XRCC4: variants seen among roughly 807,000 people sequenced by gnomAD.
XRCC4 encodes the protein DNA repair protein XRCC4.
Under a neutral mutation model 39.1 loss-of-function variants are expected in XRCC4, and 28 were observed. The ratio of observed to expected loss-of-function variants is 0.72; its 90% CI spans 0.53 to 0.98. The LOEUF (loss-of-function observed/expected upper bound fraction) is 0.98, where lower values mean the gene tolerates loss of function less well. Among genes scored for constraint, XRCC4 ranks in the 50% least tolerant of loss-of-function variants. The probability of loss-of-function intolerance (pLI) is 0.00; values close to 1 mark genes in which losing one functional copy is unlikely to be tolerated. For synonymous variants in XRCC4, 123 were observed against 126.4 expected (o/e 0.97, Z 0.18); for missense variants, 350 against 376.4 (o/e 0.93, Z 0.58).
chr5:83,111,078 G>T lies in XRCC4; in HGVS notation c.190G>T (p.Gly64Trp). The T allele has an allele frequency of 6.2e-7, 1 of 1,611,738 alleles. No individual in the cohort carries two copies. Among genetic ancestry groups the T allele is most frequent in the Middle Eastern group, 1.7e-4 (1 of 6,056 alleles). ...AGCTGATGACATGGCAATGGAAAAA[G>T]GGAAATATGTTGGTGAACTGAGAAA... ...QEADDMAMEK[G>W]KYVGELRKAL... The change falls in exon 3 of 8, where the codon GGG (glycine) becomes TGG (tryptophan). Residue 64 changes from glycine (G) to tryptophan (W), a missense_variant. Gly to Trp is a radical substitution (Grantham distance 184). Transcript: ENST00000396027.
chr5:83,085,572 T>G (rs1745144703), intron 1 of XRCC4, among the ~76,000 whole-genome samples: 1 of 152,214 alleles, frequency 6.6e-6, no homozygotes, highest in South Asian at 2.1e-4. Context: ...GTATCATTGC[T>G]ATTTATAAAT....
rs1424145936 is a variant in XRCC4, at chr5:83,183,113, A to C, written c.316-12657A>C. ...TCTGGTATCTAGCACTGTTATAAAA[A>C]TCCAGCACCATTCTAATTCATCATC... On this transcript the variant is annotated intron_variant, in intron 3 of 7. Coordinates refer to ENST00000396027, the MANE Select transcript of XRCC4 (RefSeq NM_003401.5). Among the ~76,000 whole-genome samples, 3 of 152,144 alleles carry C rather than the reference A, an allele frequency of 2.0e-5. No individual in the cohort carries two copies. The East Asian group carries it at 5.8e-4, about 29-fold the overall frequency.
chr5:83,368,058 C>T, the XRCC4 span, among the ~76,000 whole-genome samples: 20 of 147,616 alleles, frequency 1.4e-4, no homozygotes, highest in African/African-American at 5.1e-4. Context: ...TCAATGATCT[C>T]TACACTGAAC....
intron 7 of XRCC4, among the ~76,000 whole-genome samples, chr5:83,301,891 G>A (rs1180600801): frequency 6.6e-6 from 1 of 152,084 alleles, no homozygotes; most frequent in Non-Finnish European, 1.5e-5. Flanking sequence ...TTGTAGATAC[G>A]TGGTGTTATG....
chr5:83,248,807 A>T (rs1205802309), intron 6 of XRCC4, among the ~76,000 whole-genome samples: 1 of 152,234 alleles, frequency 6.6e-6, no homozygotes, highest in Non-Finnish European at 1.5e-5. Flanking sequence ...ACCAAAGGAT[A>T]TACAAATTAG....
At chr5:83,131,257 G>T (rs1191398923) in intron 3 of XRCC4, among the ~76,000 whole-genome samples, 2 of 152,164 alleles carry the variant, frequency 1.3e-5, no homozygotes, top group Non-Finnish European at 2.9e-5. Context: ...AGGTTGTTCA[G>T]TTTCCATGTA....
chr5:83,227,777 G>A (rs1290899684), intron 6 of XRCC4, among the ~76,000 whole-genome samples: 1 of 151,774 alleles, frequency 6.6e-6, no homozygotes. Flanking sequence ...TTCTACTCAG[G>A]CTTTTTCTCT....
chr5:83,357,090 C>T (rs759843785), downstream of XRCC4, among the ~76,000 whole-genome samples: 67 of 152,262 alleles, frequency 4.4e-4, no homozygotes, highest in Non-Finnish European at 9.0e-4. Flanking sequence ...AAGTTTGATT[C>T]AACAAATGTT....
chr5:83,224,194 G>A (rs951825262), intron 6 of XRCC4, among the ~76,000 whole-genome samples: 1 of 151,522 alleles, frequency 6.6e-6, no homozygotes, highest in Middle Eastern at 3.2e-3. Flanking sequence ...TTTTTTTTGT[G>A]GATAATTCGT....
At chr5:83,189,241 A>G (rs1255181854) in intron 3 of XRCC4, among the ~76,000 whole-genome samples, 1 of 152,122 alleles carries the variant, frequency 6.6e-6, no homozygotes, top group Non-Finnish European at 1.5e-5. Context: ...TGTAAAGCCA[A>G]CTTCTGAGAT....
chr5:83,273,896 A>G (rs544508361), intron 7 of XRCC4, among the ~76,000 whole-genome samples: 4 of 150,852 alleles, frequency 2.7e-5, no homozygotes, highest in Non-Finnish European at 5.9e-5. Context: ...TCTTGGCTAT[A>G]TGGGCTCTTT....
At chr5:83,258,738 T>C (rs1274287909) in intron 7 of XRCC4, 61 bp downstream of exon 7, 2 of 1,531,902 alleles carry the variant, frequency 1.3e-6, no homozygotes, top group African/African-American at 1.4e-5. Context: ...TAGCATATGA[T>C]CTTAAAAATT....
At chr5:83,129,778 T>G (rs1176343349) in intron 3 of XRCC4, among the ~76,000 whole-genome samples, 1 of 152,122 alleles carries the variant, frequency 6.6e-6, no homozygotes, top group African/African-American at 2.4e-5. Context: ...TCTCTGTTAT[T>G]GGAGTATAGG....
chr5:83,140,630 A>G (rs566515999), intron 3 of XRCC4, among the ~76,000 whole-genome samples: 3 of 152,230 alleles, frequency 2.0e-5, no homozygotes, highest in Non-Finnish European at 4.4e-5. Flanking sequence ...ACAGTTTAAG[A>G]ATTGCTAATG....
chr5:83,255,341 C>A (rs950635418), intron 6 of XRCC4, among the ~76,000 whole-genome samples: 1 of 152,136 alleles, frequency 6.6e-6, no homozygotes, highest in African/African-American at 2.4e-5. Context: ...CTGAGGGGAA[C>A]ACTGTTTCCC....
chr5:83,155,743 G>C (rs1330116038), intron 3 of XRCC4, among the ~76,000 whole-genome samples: 2 of 151,912 alleles, frequency 1.3e-5, no homozygotes, highest in African/African-American at 4.8e-5. Context: ...ATTTACACCA[G>C]TTTAATGTCA....
intron 7 of XRCC4, among the ~76,000 whole-genome samples, chr5:83,325,404 A>T (rs1479909173): frequency 6.6e-6 from 1 of 152,004 alleles, no homozygotes; most frequent in Non-Finnish European, 1.5e-5. Flanking sequence ...AGATCATCCC[A>T]TCACCCAGGT....
intron 7 of XRCC4, among the ~76,000 whole-genome samples, chr5:83,275,668 G>A (rs115796942): frequency 6.6e-6 from 1 of 152,154 alleles, no homozygotes; most frequent in Non-Finnish European, 1.5e-5. Flanking sequence ...GAATTCCTGC[G>A]ACAAATGAGG....
intron 3 of XRCC4, among the ~76,000 whole-genome samples, chr5:83,157,557 A>T (rs1340866855): frequency 6.6e-6 from 1 of 152,146 alleles, no homozygotes; most frequent in African/African-American, 2.4e-5. Flanking sequence ...ATAGCCTTTT[A>T]GTAATTTATA....
Sources: allele counts gnomAD v4.1 joint callset (sites outside exome capture counted in the v4.1 genomes callset), GRCh38; gene constraint gnomAD v4.1.1; transcripts MANE v1.5; gene names NCBI Gene and HGNC (gene_info 2026-07-23, HGNC 2026-07-21).